The following CPNE3 variants were observed in gnomAD, a reference collection of about 807,000 sequenced individuals.
CPNE3 encodes the protein copine 3.
CPNE3 carries 68 observed loss-of-function variants against 63.9 expected under a neutral mutation model. That is an observed-to-expected ratio of 1.06 (90% confidence interval 0.87 to 1.30). The LOEUF (loss-of-function observed/expected upper bound fraction) is 1.30. CPNE3 is among the 50% of genes most tolerant of loss of function. CPNE3 has a pLI of 0.00. For synonymous variants in CPNE3, 219 were observed against 197.5 expected (o/e 1.11, Z -0.91); for missense variants, 665 against 578.1 (o/e 1.15, Z -1.54).
chr8:86,535,409 C>T (rs1586837206), intron 6 of CPNE3, among the ~76,000 whole-genome samples: 1 of 151,722 alleles, frequency 6.6e-6, no homozygotes, highest in East Asian at 1.9e-4. Context: ...CATGATGGCT[C>T]ACGCCTGTAA....
At chr8:86,551,829 T>C (rs550237210) in intron 14 of CPNE3, among the ~76,000 whole-genome samples, 4 of 152,326 alleles carry the variant, frequency 2.6e-5, no homozygotes, top group African/African-American at 7.2e-5. Flanking sequence ...TTCTTTTATT[T>C]ATTTAAAAAA....
intron 2 of CPNE3, among the ~76,000 whole-genome samples, chr8:86,523,410 G>C (rs1820476440): frequency 6.6e-6 from 1 of 152,162 alleles, no homozygotes; most frequent in Non-Finnish European, 1.5e-5. Flanking sequence ...GCTTCAGGAA[G>C]AAGAGGAAGT....
At chr8:86,520,848 T>C (rs1820421460) in intron 2 of CPNE3, among the ~76,000 whole-genome samples, 1 of 152,036 alleles carries the variant, frequency 6.6e-6, no homozygotes, top group Non-Finnish European at 1.5e-5. Context: ...ACACAGGGTT[T>C]TGCCATGTTG....
chr8:86,528,495 G>C (rs763357142), intron 2 of CPNE3, 41 bp from the exon 3 acceptor site: 2 of 1,606,706 alleles, frequency 1.2e-6, no homozygotes, highest in Non-Finnish European at 1.7e-6. Flanking sequence ...CTTCTTAAAG[G>C]CACTGTTTTA....
chr8:86,555,703 T>G (rs561944353), intron 15 of CPNE3, among the ~76,000 whole-genome samples: 4 of 146,970 alleles, frequency 2.7e-5, no homozygotes, highest in Admixed American at 2.7e-4. Context: ...AATTTTTGTA[T>G]TCTAATATTC....
At chr8:86,532,000 G>A (rs1484293979) in intron 5 of CPNE3, among the ~76,000 whole-genome samples, 1 of 152,204 alleles carries the variant, frequency 6.6e-6, no homozygotes, top group Non-Finnish European at 1.5e-5. Context: ...TGTTCAGGGT[G>A]TTGATTTTTG....
In CPNE3 at chr8:86,537,577, G is replaced by T. The variant is rs1820828148; in HGVS notation, c.474G>T (p.Lys158Asn). Residue 158 changes from lysine (K) to asparagine (N), a missense_variant, in exon 7 of 17, where the codon AAG becomes AAT. Physicochemically the swap from Lys to Asn is moderately conservative, Grantham distance 94. Coordinates refer to ENST00000517490, the MANE Select transcript of CPNE3 (RefSeq NM_003909.5). ...RKLDNKDLFG[K>N]SDPYLEFHKQ... ...TTTAAATGTAGGATCTATTTGGAAA[G>T]TCAGACCCATACCTGGAATTCCACA... 6.2e-7 allele frequency: 1 copy of T among 1,603,934 alleles called. No homozygotes were observed. The highest frequency in any genetic ancestry group is 8.5e-7 in the Non-Finnish European group (1 of 1,170,976).
chr8:86,547,640 T>C (rs1821082294), intron 10 of CPNE3, 71 bp from the exon 11 acceptor site: 1 of 739,060 alleles, frequency 1.4e-6, no homozygotes. Flanking sequence ...TTTAAAAATA[T>C]ATGCCAAAGA....
intron 12 of CPNE3, among the ~76,000 whole-genome samples, chr8:86,549,533 G>T (rs1370944301): frequency 1.3e-5 from 2 of 152,102 alleles, no homozygotes; most frequent in African/African-American, 2.4e-5. Flanking sequence ...TGTCAAACTG[G>T]ACAAGAATTG....
chr8:86,540,447 C>A (rs1820912839), intron 8 of CPNE3, 113 bp downstream of exon 8: 1 of 450,316 alleles, frequency 2.2e-6, no homozygotes. Context: ...AAGACACCTA[C>A]AGAGTTAAAT....
chr8:86,524,235 TG>T (rs1402735389), intron 2 of CPNE3, among the ~76,000 whole-genome samples: 2 of 152,072 alleles, frequency 1.3e-5, no homozygotes, highest in African/African-American at 4.8e-5. Flanking sequence ...TAAGGAGGAA[TG>T]GGAAAAGAGG....
intron 14 of CPNE3, chr8:86,551,444 C>T: frequency 1.9e-6 from 1 of 529,872 alleles, no homozygotes; most frequent in South Asian, 2.8e-5. Context: ...AATTACGGGG[C>T]AAATCAGTAT....
intron 2 of CPNE3, among the ~76,000 whole-genome samples, chr8:86,522,511 C>A (rs929094779): frequency 1.4e-5 from 2 of 142,174 alleles, no homozygotes; most frequent in Non-Finnish European, 3.0e-5. Flanking sequence ...AGCATAGCAG[C>A]CTTTGGATTT....
intron 4 of CPNE3, among the ~76,000 whole-genome samples, chr8:86,530,755 G>A (rs982689277): frequency 1.3e-5 from 2 of 149,192 alleles, no homozygotes; most frequent in African/African-American, 2.5e-5. Flanking sequence ...GCAACAGTGC[G>A]ATCTTGGCTC....
chr8:86,545,319 C>G (rs1443732713), intron 9 of CPNE3: 1 of 152,284 alleles, frequency 6.6e-6, no homozygotes, highest in South Asian at 2.1e-4. Context: ...TTATCTAGTG[C>G]TGTAGAAGAA....
chr8:86,528,808 A>G (rs1214039973), intron 3 of CPNE3, 131 bp downstream of exon 3: 3 of 1,354,126 alleles, frequency 2.2e-6, no homozygotes, highest in Non-Finnish European at 3.0e-6. Flanking sequence ...TTTGTCCTTG[A>G]TTGTAGAATT....
Position 86,558,289 on chromosome 8 carries a change from C to A in CPNE3, c.1493C>A (p.Ala498Asp), listed in dbSNP as rs766330190. ...QFVPFRQFQN[A>D]PKEALAQCVL... is the part of the protein sequence containing the mutation. ...CACTTTTATTTTGTTTTTCACAAGG[C>A]TCCAAAAGAAGCACTTGCTCAGTGT... The change falls in exon 17 of 17, where the codon GCT becomes GAT. Residue 498 changes from alanine (A) to aspartate (D), a missense_variant and splice_region_variant. Physicochemically the swap from Ala to Asp is moderately radical, Grantham distance 126. Coordinates refer to ENST00000517490, the MANE Select transcript of CPNE3 (RefSeq NM_003909.5). 4.1e-5 allele frequency: 36 copies of A among 872,756 alleles called. No individual in the cohort carries two copies. The highest frequency in any genetic ancestry group is 3.0e-4 in the Admixed American group (18 of 59,166). 54.1% of individuals were successfully genotyped at this position (872,756 alleles called of 1,614,324 possible). A position where few individuals can be genotyped will look rare whatever the true frequency, so the allele number is the denominator to read the frequency against.
At chr8:86,538,335 A>G (rs1820852279) in intron 7 of CPNE3, among the ~76,000 whole-genome samples, 1 of 152,198 alleles carries the variant, frequency 6.6e-6, no homozygotes, top group Admixed American at 6.6e-5. Flanking sequence ...AGATCGCACC[A>G]CTGCACTCCA....
At chr8:86,519,185 G>C (rs867000720) in intron 2 of CPNE3, among the ~76,000 whole-genome samples, 5 of 152,298 alleles carry the variant, frequency 3.3e-5, no homozygotes, top group Middle Eastern at 3.4e-3. Context: ...CAGTAGCCAA[G>C]GGATTAGAAA....
Sources: gnomAD v4.1 joint callset for allele counts (sites outside exome capture counted in the v4.1 genomes callset) on GRCh38, gnomAD v4.1.1 for gene constraint, MANE v1.5 for transcripts, NCBI Gene and HGNC (gene_info 2026-07-23, HGNC 2026-07-21) for gene names.